Variants in SLC4A10 observed in about 807,000 individuals in gnomAD.
The protein encoded by SLC4A10 is sodium-driven chloride bicarbonate exchanger.
In SLC4A10, 42 loss-of-function variants were observed where a neutral mutation model predicts 137.7. That is an observed-to-expected ratio of 0.30 (90% CI 0.24 to 0.39). SLC4A10 has a LOEUF of 0.39. Ranked by LOEUF, SLC4A10 falls within the 10% of genes least tolerant of loss-of-function variation. The pLI is 1.00. For missense variants in SLC4A10, 925 were observed against 1,355.0 expected (o/e 0.68, Z 4.98); for synonymous variants, 474 against 464.1 (o/e 1.02, Z -0.27).
chr2:161,886,830 T>C (rs184114328), intron 10 of SLC4A10, among the ~76,000 whole-genome samples: 11 of 152,286 alleles, frequency 7.2e-5, no homozygotes, highest in Admixed American at 2.6e-4. Flanking sequence ...CTGGAATACA[T>C]GTGCAGAACG....
At chr2:161,869,783 A>C (rs1174737041) in intron 6 of SLC4A10, among the ~76,000 whole-genome samples, 1 of 151,644 alleles carries the variant, frequency 6.6e-6, no homozygotes, top group Admixed American at 6.6e-5. Context: ...ATGTGATTAA[A>C]TATATTTAAT....
chr2:161,680,734 A>G (rs1284185402), intron 1 of SLC4A10, among the ~76,000 whole-genome samples: 4 of 152,176 alleles, frequency 2.6e-5, no homozygotes, highest in Non-Finnish European at 5.9e-5. Flanking sequence ...AATTGTATAT[A>G]TTAATGGTAT....
At position 161,982,209 on chromosome 2, in the gene SLC4A10, T is replaced by G. The variant is rs1700313104; in HGVS notation, c.*27-970T>G. Among the ~76,000 whole-genome samples the G allele has an allele frequency of 1.3e-5, 2 of 152,168 alleles. 1 individual carries two copies. The highest frequency in any genetic ancestry group is 4.1e-4 in the South Asian group (2 of 4,822). On this transcript the variant is annotated intron_variant, in intron 26 of 26. Transcript: ENST00000446997. The stretch of plus-strand genomic sequence containing the variant: ...AGCCCAGGGCCTCAGTAGCTGGCTA[T>G]GGGCTGCCCTTTGTGTCAGCAGTGG...
At chr2:161,836,636 GAAGA>G (rs997802696) in intron 3 of SLC4A10, among the ~76,000 whole-genome samples, 3 of 133,262 alleles carry the variant, frequency 2.3e-5, no homozygotes, top group African/African-American at 8.5e-5. Context: ...AGAAAGAAAA[GAAGA>G]AAGAAAATTT....
intron 15 of SLC4A10, among the ~76,000 whole-genome samples, chr2:161,910,323 G>A (rs1685529413): frequency 6.6e-6 from 1 of 151,984 alleles, no homozygotes; most frequent in African/African-American, 2.4e-5. Context: ...ATTATGCCAA[G>A]ATCAAGTGTC....
intron 3 of SLC4A10, among the ~76,000 whole-genome samples, chr2:161,835,190 A>G (rs1448891674): frequency 1.3e-5 from 2 of 151,972 alleles, no homozygotes; most frequent in Admixed American, 6.6e-5. Flanking sequence ...AGCACGTGCC[A>G]CCATGCCCAG....
chr2:161,980,168 G>A (rs1011742003), intron 26 of SLC4A10, among the ~76,000 whole-genome samples: 4 of 152,230 alleles, frequency 2.6e-5, no homozygotes, highest in Admixed American at 1.3e-4. Flanking sequence ...GGAGGTCCTT[G>A]GCAATGTTAG....
intron 1 of SLC4A10, among the ~76,000 whole-genome samples, chr2:161,758,509 GA>G (rs2049910548): frequency 1.3e-5 from 2 of 151,814 alleles, no homozygotes; most frequent in Non-Finnish European, 2.9e-5. Flanking sequence ...CTTGTATCAG[GA>G]AACTTCTTTC....
chr2:161,818,785 G>A (rs1370084977), intron 3 of SLC4A10, among the ~76,000 whole-genome samples: 1 of 152,154 alleles, frequency 6.6e-6, no homozygotes, highest in African/African-American at 2.4e-5. Context: ...TACATTTATC[G>A]ATTTGCATAT....
chr2:161,770,939 T>C (rs2051512396), intron 1 of SLC4A10, 34 bp from the exon 2 acceptor site: 2 of 1,464,748 alleles, frequency 1.4e-6, no homozygotes, highest in East Asian at 2.3e-5. Context: ...AATATGTGTG[T>C]TATCATTTAA....
chr2:161,742,577 G>C (rs962912122), intron 1 of SLC4A10, among the ~76,000 whole-genome samples: 1 of 151,212 alleles, frequency 6.6e-6, no homozygotes, highest in African/African-American at 2.4e-5. Context: ...GGTAGCTGAG[G>C]TTACAAGTGC....
rs2063177130 is a variant in SLC4A10 at position 161,893,884 on chromosome 2, T to TC, written c.1195-789dup. On this transcript the variant is annotated intron_variant, in intron 10 of 26. Transcript: ENST00000446997. ...CCTCAACTTTCAATGGGGGATTATG[T>TC]CCCCCCATTGAAAATATCATAAGTG... is the stretch of plus-strand genomic sequence containing the variant. 3.3e-5 allele frequency among the ~76,000 whole-genome samples: 5 copies of TC among 151,712 alleles called. 1 individual carries two copies. The highest frequency in any genetic ancestry group is 2.6e-4 in the Admixed American group (4 of 15,188).
intron 11 of SLC4A10, among the ~76,000 whole-genome samples, chr2:161,899,504 G>T (rs1222880729): frequency 1.3e-5 from 2 of 152,028 alleles, no homozygotes; most frequent in African/African-American, 4.8e-5. Flanking sequence ...TTCTCAGCCT[G>T]CATTTTATCT....
Position 161,859,594 on chromosome 2 carries a change from C to CTTTTCTT in SLC4A10, c.578-3276_578-3275insCTTTTTT, listed in dbSNP as rs2060300861. Among the ~76,000 whole-genome samples the CTTTTCTT allele has an allele frequency of 2.1e-4, 10 of 47,288 alleles. No individual in the cohort carries two copies. In the East Asian group the frequency reaches 2.5e-3, roughly 12 times the overall value. The allele number at this position is 47,288 out of a possible 152,430, so 31.0% of individuals were successfully genotyped here. A position where few individuals can be genotyped will look rare whatever the true frequency, so the allele number is the denominator to read the frequency against. On this transcript the variant is annotated intron_variant, in intron 5 of 26. Coordinates refer to ENST00000446997, the MANE Select transcript of SLC4A10 (RefSeq NM_001178015.2). ...TCCTTTTTTTCTTTTCTTTTCTTTT[C>CTTTTCTT]TTTTTTTTTTTTTTTTTTTTTTTTG... is the stretch of plus-strand genomic sequence containing the variant.
intron 11 of SLC4A10, among the ~76,000 whole-genome samples, chr2:161,900,428 C>G (rs1682812520): frequency 6.6e-6 from 1 of 152,064 alleles, no homozygotes; most frequent in Non-Finnish European, 1.5e-5. Flanking sequence ...GCATATAACA[C>G]CACCATACTT....
chr2:161,810,666 A>G lies in SLC4A10; in HGVS notation c.277+6071A>G, dbSNP rs1478737564. Among the ~76,000 whole-genome samples the G allele has an allele frequency of 3.9e-5, 6 of 152,156 alleles. No homozygotes were observed. In the East Asian group the frequency reaches 1.2e-3, roughly 29 times the overall value. ...TGATTCTGTTTATGCGATGAATCAT[A>G]TCTAGTGAATTGTGTATGTCGAACC... On this transcript the variant is annotated intron_variant, in intron 3 of 26. Coordinates refer to ENST00000446997, the MANE Select transcript of SLC4A10 (RefSeq NM_001178015.2).
chr2:161,716,338 A>T (rs2044875590), intron 1 of SLC4A10, among the ~76,000 whole-genome samples: 1 of 151,784 alleles, frequency 6.6e-6, no homozygotes, highest in Admixed American at 6.6e-5. Flanking sequence ...GTTTAATTAG[A>T]TCCCATTTGT....
chr2:161,778,033 T>A (rs1372781128), intron 2 of SLC4A10, among the ~76,000 whole-genome samples: 1 of 151,944 alleles, frequency 6.6e-6, no homozygotes, highest in Non-Finnish European at 1.5e-5. Context: ...ACAACCTACT[T>A]AGAGAGAGAG....
Position 161,644,066 on chromosome 2 carries a change from ATC to A in SLC4A10, c.48+19502_48+19503del, listed in dbSNP as rs1414668984. 4.9e-5 allele frequency among the ~76,000 whole-genome samples: 3 copies of A among 60,840 alleles called. No individual in the cohort carries two copies. In the Admixed American group the frequency reaches 7.4e-4, roughly 15 times the overall value. 39.9% of individuals were successfully genotyped at this position (60,840 alleles called of 152,430 possible). A position where few individuals can be genotyped will look rare whatever the true frequency, so the allele number is the denominator to read the frequency against. On this transcript the variant is annotated intron_variant, in intron 1 of 26. Coordinates refer to ENST00000446997, the MANE Select transcript of SLC4A10 (RefSeq NM_001178015.2). Reference sequence around the variant, plus strand: ...GTCACTTCTTTCCTTCTGGCTTCTAATCTTTTTTTTTTTTTTCTTTTTCTTAA... The same window carrying A: ...GTCACTTCTTTCCTTCTGGCTTCTAATTTTTTTTTTTTTTCTTTTTCTTAA...
Sources: gnomAD v4.1 joint callset for allele counts (sites outside exome capture counted in the v4.1 genomes callset) on GRCh38, gnomAD v4.1.1 for gene constraint, MANE v1.5 for transcripts, NCBI Gene and HGNC (gene_info 2026-07-23, HGNC 2026-07-21) for gene names.